Variants in KIAA0825 observed in about 807,000 individuals in gnomAD.
KIAA0825 encodes the protein uncharacterized protein KIAA0825.
KIAA0825 carries 119 observed loss-of-function variants against 147.6 expected under a neutral mutation model. That is an observed-to-expected ratio of 0.81 (90% confidence interval 0.69 to 0.94). KIAA0825 has a LOEUF of 0.94. KIAA0825 is among the 40% of genes least tolerant of loss of function. The probability of loss-of-function intolerance (pLI) is 0.00; values close to 1 mark genes in which losing one functional copy is unlikely to be tolerated. For synonymous variants in KIAA0825, 470 were observed against 518.1 expected, an observed-to-expected ratio of 0.91 and a Z score of 1.26; for missense variants, 1,381 against 1,472.7, an observed-to-expected ratio of 0.94 and a Z score of 1.02.
chr5:94,313,567 A>G (rs1250899262), intron 20 of KIAA0825, among the ~76,000 whole-genome samples: 1 of 151,084 alleles, frequency 6.6e-6, no homozygotes, highest in African/African-American at 2.4e-5. Context: ...TTTACGAAAT[A>G]CTTTCTCAGA....
At chr5:94,364,783 C>T (rs965627141) in intron 20 of KIAA0825, among the ~76,000 whole-genome samples, 5 of 152,068 alleles carry the variant, frequency 3.3e-5, no homozygotes, top group African/African-American at 4.8e-5. Context: ...ATGAAGTCCT[C>T]GGTAAGGTTT....
intron 2 of KIAA0825, among the ~76,000 whole-genome samples, chr5:94,548,797 T>C (rs995577727): frequency 1.3e-5 from 2 of 151,892 alleles, no homozygotes; most frequent in East Asian, 1.9e-4. Flanking sequence ...TCAGACAAAA[T>C]AGATTTCAAG....
intron 20 of KIAA0825, among the ~76,000 whole-genome samples, chr5:94,292,427 C>A (rs1005976082): frequency 6.6e-6 from 1 of 151,952 alleles, no homozygotes. Flanking sequence ...TTGTGTATGT[C>A]GAACCAGCCT....
chr5:94,207,655 T>C (rs978607702), intron 20 of KIAA0825, among the ~76,000 whole-genome samples: 2 of 152,286 alleles, frequency 1.3e-5, no homozygotes, highest in South Asian at 2.1e-4. Flanking sequence ...CAATAACACA[T>C]AGGTAAAAAG....
At chr5:94,438,402 A>T (rs933422991) in intron 14 of KIAA0825, among the ~76,000 whole-genome samples, 5 of 152,210 alleles carry the variant, frequency 3.3e-5, no homozygotes, top group African/African-American at 1.2e-4. Flanking sequence ...TAGATTCCCT[A>T]GTGTGAGTTT....
chr5:94,396,569 T>G, intron 16 of KIAA0825, 60 bp from the exon 17 acceptor site: 1 of 1,359,850 alleles, frequency 7.4e-7, no homozygotes, highest in Non-Finnish European at 9.8e-7. Context: ...CACTGCATGG[T>G]TTTGTGTTGT....
chr5:94,586,105 C>A (rs1044172880), intron 1 of KIAA0825, among the ~76,000 whole-genome samples: 1 of 152,120 alleles, frequency 6.6e-6, no homozygotes, highest in African/African-American at 2.4e-5. Flanking sequence ...CTAAAATTGA[C>A]ACCCTAACAT....
chr5:94,397,783 C>T (rs1449507481), intron 16 of KIAA0825, among the ~76,000 whole-genome samples: 1 of 152,094 alleles, frequency 6.6e-6, no homozygotes, highest in Non-Finnish European at 1.5e-5. Flanking sequence ...TGGTTGAGAA[C>T]CACTATTCTA....
intron 5 of KIAA0825, among the ~76,000 whole-genome samples, chr5:94,489,509 A>G (rs1314265674): frequency 6.6e-6 from 1 of 151,982 alleles, no homozygotes; most frequent in Admixed American, 6.6e-5. Flanking sequence ...GCATCAAAAA[A>G]ACTAGATTTG....
intron 5 of KIAA0825, among the ~76,000 whole-genome samples, chr5:94,485,584 T>C (rs896155079): frequency 6.6e-6 from 1 of 151,652 alleles, no homozygotes; most frequent in Non-Finnish European, 1.5e-5. Flanking sequence ...CATAAGAGTG[T>C]CTGCGGACTA....
chr5:94,477,317 A>G, intron 6 of KIAA0825, 112 bp from the exon 7 acceptor site: 1 of 659,724 alleles, frequency 1.5e-6, no homozygotes, highest in Non-Finnish European at 2.6e-6. Flanking sequence ...TTCTATCCAC[A>G]GTACATACAT....
chr5:94,435,151 G>T (rs964001428), intron 14 of KIAA0825, among the ~76,000 whole-genome samples: 19 of 150,764 alleles, frequency 1.3e-4, no homozygotes, highest in Admixed American at 2.0e-4. Flanking sequence ...TCAGTTCAGG[G>T]GTACATGTAC....
intron 13 of KIAA0825, 33 bp downstream of exon 13, chr5:94,452,926 A>G: frequency 9.0e-7 from 1 of 1,109,578 alleles, no homozygotes; most frequent in Non-Finnish European, 1.3e-6. Context: ...GAATCATAGA[A>G]TTATAGATAG....
chr5:94,539,446 G>A (rs891095156), intron 2 of KIAA0825, among the ~76,000 whole-genome samples: 1 of 152,226 alleles, frequency 6.6e-6, no homozygotes, highest in East Asian at 1.9e-4. Context: ...CTTTCCTCTA[G>A]CATCTTTCTG....
chr5:94,160,397 A>C (rs1767443075), intron 20 of KIAA0825, among the ~76,000 whole-genome samples: 1 of 150,464 alleles, frequency 6.6e-6, no homozygotes. Context: ...ATATGAATAC[A>C]GTAATATATG....
chr5:94,180,034 G>A (rs1291898425), intron 20 of KIAA0825, among the ~76,000 whole-genome samples: 1 of 151,890 alleles, frequency 6.6e-6, no homozygotes, highest in East Asian at 1.9e-4. Context: ...GCAAAAATAG[G>A]ATATTTTTAT....
intron 20 of KIAA0825, among the ~76,000 whole-genome samples, chr5:94,369,492 A>T (rs1650357480): frequency 6.6e-6 from 1 of 152,144 alleles, no homozygotes; most frequent in Non-Finnish European, 1.5e-5. Context: ...TGAGCGAATG[A>T]GTTAGCTTCA....
At chr5:94,391,418 A>C (rs1284282897) in intron 18 of KIAA0825, 117 bp downstream of exon 18, 1 of 910,464 alleles carries the variant, frequency 1.1e-6, no homozygotes, top group Non-Finnish European at 1.7e-6. Context: ...TGCAATATTG[A>C]GTTTGGTATT....
chr5:94,315,666 A>C (rs949421381), intron 20 of KIAA0825, among the ~76,000 whole-genome samples: 2 of 151,648 alleles, frequency 1.3e-5, no homozygotes, highest in Admixed American at 6.6e-5. Context: ...TTTAAAACTT[A>C]ATTTATTCAT....
Sources: gnomAD v4.1 joint callset for allele counts (sites outside exome capture counted in the v4.1 genomes callset) on GRCh38, gnomAD v4.1.1 for gene constraint, MANE v1.5 for transcripts, NCBI Gene and HGNC (gene_info 2026-07-23, HGNC 2026-07-21) for gene names.